SCHIP1: variants seen among roughly 807,000 people sequenced by gnomAD.
SCHIP1 encodes the protein schwannomin-interacting protein 1.
In SCHIP1, 8 loss-of-function variants were observed where a neutral mutation model predicts 29.7. The ratio of observed to expected loss-of-function variants is 0.27; its 90% CI spans 0.16 to 0.49. The LOEUF (loss-of-function observed/expected upper bound fraction) is 0.49, where lower values mean the gene tolerates loss of function less well. Ranked by LOEUF, SCHIP1 falls within the 20% of genes least tolerant of loss-of-function variation. The pLI is 0.99. For synonymous variants in SCHIP1, 76 were observed against 94.9 expected, an observed-to-expected ratio of 0.80 and a Z score of 1.16; for missense variants, 193 against 294.6, an observed-to-expected ratio of 0.66 and a Z score of 2.52.
At chr3:159,874,995 A>G (rs1171112742) in intron 2 of SCHIP1, among the ~76,000 whole-genome samples, 2 of 141,758 alleles carry the variant, frequency 1.4e-5, no homozygotes, top group Non-Finnish European at 3.0e-5. Flanking sequence ...TTTTTTCACT[A>G]TTTGAAAGGC....
the SCHIP1 span, among the ~76,000 whole-genome samples, chr3:159,616,220 T>C: frequency 2.0e-5 from 3 of 152,244 alleles, no homozygotes; most frequent in Non-Finnish European, 4.4e-5. Flanking sequence ...TGCCTCAGCC[T>C]CCTGAGTAGT....
chr3:159,816,850 T>G, the SCHIP1 span, among the ~76,000 whole-genome samples: 28 of 151,748 alleles, frequency 1.8e-4, no homozygotes, highest in African/African-American at 6.3e-4. Context: ...CTGAAATGTT[T>G]TGTCCACTCT....
At chr3:159,287,999 G>A in the SCHIP1 span, among the ~76,000 whole-genome samples, 1 of 152,110 alleles carries the variant, frequency 6.6e-6, no homozygotes, top group Non-Finnish European at 1.5e-5. Flanking sequence ...CTTGATAAAA[G>A]TAGGGAAAAG....
At chr3:159,611,380 G>C in the SCHIP1 span, among the ~76,000 whole-genome samples, 1 of 152,200 alleles carries the variant, frequency 6.6e-6, no homozygotes, top group East Asian at 1.9e-4. Context: ...TCCTTTGTAG[G>C]GACATGGATG....
the SCHIP1 span, among the ~76,000 whole-genome samples, chr3:159,786,139 A>G: frequency 6.6e-6 from 1 of 152,240 alleles, no homozygotes; most frequent in African/African-American, 2.4e-5. Context: ...TAAACCCTGC[A>G]GGAAATACCT....
the SCHIP1 span, among the ~76,000 whole-genome samples, chr3:159,714,289 C>G: frequency 6.6e-6 from 1 of 152,050 alleles, no homozygotes; most frequent in Admixed American, 6.6e-5. Flanking sequence ...CGAATAGGAA[C>G]AGCTCCAGTC....
At chr3:159,810,571 A>G in the SCHIP1 span, among the ~76,000 whole-genome samples, 1 of 152,220 alleles carries the variant, frequency 6.6e-6, no homozygotes, top group African/African-American at 2.4e-5. Context: ...AGAATATCCA[A>G]TCTTTTACAT....
chr3:159,472,738 T>C, the SCHIP1 span, among the ~76,000 whole-genome samples: 1 of 152,204 alleles, frequency 6.6e-6, no homozygotes, highest in Non-Finnish European at 1.5e-5. Context: ...GCCCATGTGC[T>C]GCCCAGAGGC....
chr3:159,565,574 A>G, the SCHIP1 span, among the ~76,000 whole-genome samples: 2 of 152,172 alleles, frequency 1.3e-5, no homozygotes, highest in Admixed American at 1.3e-4. Context: ...ACAGTTATGG[A>G]TACAGGATGG....
chr3:159,704,461 G>C, the SCHIP1 span, among the ~76,000 whole-genome samples: 1 of 139,196 alleles, frequency 7.2e-6, no homozygotes, highest in African/African-American at 2.7e-5. Flanking sequence ...TAGAAGTTTA[G>C]TCCATTAGAA....
chr3:159,496,241 A>G, the SCHIP1 span, among the ~76,000 whole-genome samples: 1 of 152,214 alleles, frequency 6.6e-6, no homozygotes, highest in Non-Finnish European at 1.5e-5. Flanking sequence ...AACAAAAACC[A>G]AAATTGACAA....
chr3:159,353,403 C>A, the SCHIP1 span, among the ~76,000 whole-genome samples: 1 of 152,076 alleles, frequency 6.6e-6, no homozygotes, highest in African/African-American at 2.4e-5. Context: ...AGAGTCTAAA[C>A]CCTGAAAGTT....
At chr3:159,727,009 C>T in the SCHIP1 span, among the ~76,000 whole-genome samples, 1 of 152,158 alleles carries the variant, frequency 6.6e-6, no homozygotes, top group Admixed American at 6.5e-5. Flanking sequence ...CATTAAAAGC[C>T]CATTGAGGAC....
chr3:159,308,534 A>C, the SCHIP1 span, among the ~76,000 whole-genome samples: 1 of 152,142 alleles, frequency 6.6e-6, no homozygotes, highest in African/African-American at 2.4e-5. Context: ...AAGACTATGG[A>C]GAAAAGGGAG....
the SCHIP1 span, among the ~76,000 whole-genome samples, chr3:159,482,423 T>C: frequency 6.6e-6 from 1 of 152,130 alleles, no homozygotes; most frequent in Admixed American, 6.6e-5. Context: ...CAAGCAGCTA[T>C]GGAAGCATTG....
At chr3:159,333,742 A>AT in the SCHIP1 span, among the ~76,000 whole-genome samples, 1 of 152,234 alleles carries the variant, frequency 6.6e-6, no homozygotes, top group Non-Finnish European at 1.5e-5. Context: ...TATCAACAAA[A>AT]TATCATAGGA....
chr3:159,281,895 G>T, the SCHIP1 span, among the ~76,000 whole-genome samples: 2 of 152,076 alleles, frequency 1.3e-5, no homozygotes, highest in Non-Finnish European at 2.9e-5. Flanking sequence ...TTTCCTTGGA[G>T]ATTCCGAAAT....
At chr3:159,478,467 T>C in the SCHIP1 span, among the ~76,000 whole-genome samples, 1 of 152,194 alleles carries the variant, frequency 6.6e-6, no homozygotes, top group African/African-American at 2.4e-5. Flanking sequence ...AGTACCATGC[T>C]GTTTTGATTA....
At chr3:159,320,770 A>G in the SCHIP1 span, among the ~76,000 whole-genome samples, 1 of 152,000 alleles carries the variant, frequency 6.6e-6, no homozygotes, top group Non-Finnish European at 1.5e-5. Context: ...ACCACGCAGT[A>G]TCATAGATGC....
Sources: allele counts gnomAD v4.1 joint callset (sites outside exome capture counted in the v4.1 genomes callset), GRCh38; gene constraint gnomAD v4.1.1; transcripts MANE v1.5; gene names NCBI Gene and HGNC (gene_info 2026-07-23, HGNC 2026-07-21).